Variants in PLEKHA4 observed in about 807,000 individuals in gnomAD.
PLEKHA4 encodes the protein pleckstrin homology domain-containing family A member 4.
PLEKHA4 carries 73 observed loss-of-function variants against 94.7 expected under a neutral mutation model. The observed-to-expected ratio is 0.77, with a 90% confidence interval of 0.64 to 0.94. The LOEUF is 0.94. Ranked by LOEUF, PLEKHA4 falls within the 40% of genes least tolerant of loss-of-function variation. The pLI is 0.00. For synonymous variants in PLEKHA4, 449 were observed against 437.1 expected (o/e 1.03, Z -0.34); for missense variants, 1,049 against 1,054.1 (o/e 1.00, Z 0.07).
chr19:48,837,132 G>GGAAAACAGT lies in PLEKHA4; in HGVS notation c.*156_*157insACTGTTTTC, dbSNP rs2035555131. The stretch of plus-strand genomic sequence containing the variant: ...AAGTTTTAATCCAAATTTAGACAGT[G>GGAAAACAGT]TTGAGAAAACCAAACTTTGGCCATA... On this transcript the variant is annotated 3_prime_UTR_variant, in exon 20 of 20. Transcript: ENST00000263265. The surrounding 1 kb of genome is among the most constrained non-coding windows in gnomAD (Gnocchi z 4.3). 1 of 975,906 alleles carries GGAAAACAGT rather than the reference G, an allele frequency of 1.0e-6. No homozygotes were observed. 60.5% of individuals were successfully genotyped at this position (975,906 alleles called of 1,614,324 possible).
At chr19:48,860,311 G>T in intron 6 of PLEKHA4, 39 bp downstream of exon 6, 3 of 1,541,042 alleles carry the variant, frequency 1.9e-6, no homozygotes, top group South Asian at 1.1e-5. Flanking sequence ...GACTGACTCA[G>T]GGTGGAGGGT....
At chr19:48,848,349 A>AT (rs2122984475) in intron 13 of PLEKHA4, among the ~76,000 whole-genome samples, 1 of 151,128 alleles carries the variant, frequency 6.6e-6, no homozygotes, top group South Asian at 2.1e-4. Context: ...AGCCGGGCGT[A>AT]GTGGCGGGCA....
Position 48,854,047 on chromosome 19 carries a change from C to T in PLEKHA4, c.1136G>A (p.Arg379Gln), listed in dbSNP as rs754039806. The part of the protein sequence containing the change: ...TKLCGQDRLL[R>Q]RLQEEIDQKQ... ...CTGGTCTATCTCCTCCTGCAGCCTCCGCAGAAGCCGGTCCTGCCCGCACAA... is the reference window on the plus strand; with the variant it reads ...CTGGTCTATCTCCTCCTGCAGCCTCTGCAGAAGCCGGTCCTGCCCGCACAA... Residue 379 changes from arginine (R) to glutamine (Q), a missense_variant, in exon 11 of 20, where the codon CGG becomes CAG. By Grantham distance (43) the Arg-to-Gln change is conservative. Coordinates refer to ENST00000263265, the MANE Select transcript of PLEKHA4 (RefSeq NM_020904.3). 5.0e-6 allele frequency: 8 copies of T among 1,614,142 alleles called. No homozygotes were observed. The highest frequency in any genetic ancestry group is 3.3e-5 in the Admixed American group (2 of 59,988).
At chr19:48,854,823 C>G (rs969616015) in intron 9 of PLEKHA4, among the ~76,000 whole-genome samples, 6 of 150,750 alleles carry the variant, frequency 4.0e-5, no homozygotes, top group Non-Finnish European at 8.8e-5. Flanking sequence ...CCTCAGCCTC[C>G]CAAGTAGGTG....
chr19:48,855,694 T>A (rs1340380400), intron 9 of PLEKHA4, among the ~76,000 whole-genome samples: 2 of 150,438 alleles, frequency 1.3e-5, no homozygotes, highest in Non-Finnish European at 3.0e-5. Context: ...GAGGCTGAGG[T>A]GGGAGTATCG....
intron 4 of PLEKHA4, 53 bp downstream of exon 4, chr19:48,861,567 G>A: frequency 6.2e-7 from 1 of 1,612,108 alleles, no homozygotes; most frequent in South Asian, 1.1e-5. Flanking sequence ...AGAGAGAAGG[G>A]CAGACTGGGC....
At position 48,867,645 on chromosome 19, in the gene PLEKHA4, G is replaced by A; in HGVS notation, c.-6-19C>T. The A allele has an allele frequency of 6.4e-7, 1 of 1,574,132 alleles. No homozygotes were observed. The highest frequency in any genetic ancestry group is 8.6e-7 in the Non-Finnish European group (1 of 1,160,386). ...TCAAGGGCTGGGGGAGAGAAAGAAA[G>A]GGGCTGTGTCTCTGCAGTGACGGGT... On this transcript the variant is annotated intron_variant, in intron 1 of 19. Transcript: ENST00000263265. This position sits in a 1 kb window ranked among gnomAD's most constrained non-coding sequence, Gnocchi z 4.7.
rs1003976989 is a variant in PLEKHA4, at chr19:48,868,577, T to TCTCCCTTC, written c.-509_-502dup. 3 of 152,496 alleles carry TCTCCCTTC rather than the reference T, an allele frequency of 2.0e-5. No individual in the cohort carries two copies. The highest frequency in any genetic ancestry group is 7.2e-5 in the African/African-American group (3 of 41,414). 9.4% of individuals were successfully genotyped at this position (152,496 alleles called of 1,614,324 possible). A position where few individuals can be genotyped will look rare whatever the true frequency, so the allele number is the denominator to read the frequency against. On this transcript the variant is annotated 5_prime_UTR_variant, in exon 1 of 20. Transcript: ENST00000263265. ...CTCTTTCCGATTTCCCTTCTCACTT[T>TCTCCCTTC]CTCCCTTCCTCCCTCTCCCAGTTTC...
In PLEKHA4 at chr19:48,857,445, T is replaced by C; in HGVS notation, c.1024A>G (p.Thr342Ala). 6.4e-7 allele frequency: 1 copy of C among 1,555,994 alleles called. No homozygotes were observed. Among genetic ancestry groups the C allele is most frequent in the African/African-American group, 1.4e-5 (1 of 71,320 alleles). ...ACCAATAAAACCATGGAGGCCCGGGTCCCAGGGGGCCGCGGGGGGAGCTGG... is the reference window on the plus strand; with the variant it reads ...ACCAATAAAACCATGGAGGCCCGGGCCCCAGGGGGCCGCGGGGGGAGCTGG... ...YLQLPPRPPG[T>A]RASMVLLPGP... Residue 342 changes from threonine (T) to alanine (A), a missense_variant, in exon 9 of 20, where the codon ACC (threonine) becomes GCC (alanine). Thr to Ala is a moderately conservative substitution (Grantham distance 58). Coordinates refer to ENST00000263265, the MANE Select transcript of PLEKHA4 (RefSeq NM_020904.3).
Position 48,845,532 on chromosome 19 carries a change from C to T in PLEKHA4, c.1651G>A (p.Ala551Thr), listed in dbSNP as rs200502456. 55 of 1,611,308 alleles carry T rather than the reference C, an allele frequency of 3.4e-5. No homozygotes were observed. Among genetic ancestry groups the T allele is most frequent in the African/African-American group, 5.4e-5 (4 of 74,740 alleles). ...GGATGCTCACCTAAGTGAGGGCTGGCGAGGTCTTTGTCGCCTCCAGGAGGC... is the reference window on the plus strand; with the variant it reads ...GGATGCTCACCTAAGTGAGGGCTGGTGAGGTCTTTGTCGCCTCCAGGAGGC... ...GRPPGGDKDL[A>T]SPHLGLGSPR... The change falls in exon 15 of 20, where the codon GCC becomes ACC. Residue 551 changes from alanine (A) to threonine (T), a missense_variant. Coordinates refer to ENST00000263265, the MANE Select transcript of PLEKHA4 (RefSeq NM_020904.3).
chr19:48,865,029 T>C (rs1304721627), intron 3 of PLEKHA4, among the ~76,000 whole-genome samples: 7 of 152,118 alleles, frequency 4.6e-5, no homozygotes, highest in Non-Finnish European at 1.0e-4. Flanking sequence ...ACTGTAAGTG[T>C]TCAAGAAGTA....
chr19:48,866,057 G>A (rs1448047386), intron 2 of PLEKHA4, among the ~76,000 whole-genome samples: 1 of 151,700 alleles, frequency 6.6e-6, no homozygotes, highest in Non-Finnish European at 1.5e-5. Flanking sequence ...TCAAGGTGGG[G>A]GCTGAAGTTG....
At position 48,847,960 on chromosome 19, in the gene PLEKHA4, TG is replaced by T; in HGVS notation, c.1505del (p.Pro502HisfsTer29). On this transcript the variant is annotated frameshift_variant, in exon 14 of 20. Transcript: ENST00000263265. LOFTEE classifies it high-confidence loss of function. ...AGLGGPQKPP[P>X]HTEPDSPSPV... ...GAGATGGGGAGTCAGGCTCAGTGTG[TG>T]GGGGCGGTTTCTGGGGGCCACCCAG... The T allele has an allele frequency of 6.2e-7, 1 of 1,612,418 alleles. No individual in the cohort carries two copies.
chr19:48,860,557 G>A (rs1392779711), intron 5 of PLEKHA4, 98 bp from the exon 6 acceptor site: 1 of 885,230 alleles, frequency 1.1e-6, no homozygotes. Flanking sequence ...AGTGCTTTGG[G>A]AGGCCGATGC....
chr19:48,867,627 C>A lies in PLEKHA4; in HGVS notation c.-6-1G>T. Reference sequence around the variant, plus strand: ...GAGGTCGGCTCCCCTCCATCAAGGGCTGGGGGAGAGAAAGAAAGGGGCTGT... The same window carrying A: ...GAGGTCGGCTCCCCTCCATCAAGGGATGGGGGAGAGAAAGAAAGGGGCTGT... On this transcript the variant is annotated splice_acceptor_variant, in intron 1 of 19. Coordinates refer to ENST00000263265, the MANE Select transcript of PLEKHA4 (RefSeq NM_020904.3). LOFTEE classifies it low-confidence loss of function (5UTR_SPLICE). This position sits in a 1 kb window ranked among gnomAD's most constrained non-coding sequence, Gnocchi z 4.7. 6.3e-7 allele frequency: 1 copy of A among 1,587,168 alleles called. No individual in the cohort carries two copies. Among genetic ancestry groups the A allele is most frequent in the South Asian group, 1.2e-5 (1 of 86,594 alleles).
At chr19:48,853,513 A>AG (rs2123043024) in intron 12 of PLEKHA4, among the ~76,000 whole-genome samples, 169 bp downstream of exon 12, 1 of 152,298 alleles carries the variant, frequency 6.6e-6, no homozygotes, top group East Asian at 1.9e-4. Context: ...AAAAAAAAAA[A>AG]AATTAGAGTG....
At chr19:48,856,649 C>T (rs2036421714) in intron 9 of PLEKHA4, among the ~76,000 whole-genome samples, 4 of 151,554 alleles carry the variant, frequency 2.6e-5, no homozygotes, top group Admixed American at 6.6e-5. Context: ...ACCAGGGAGG[C>T]GAAGGTTGCA....
rs1425176036 is a variant in PLEKHA4, at chr19:48,853,917, G to A, written c.1177-86C>T. 30 of 1,595,464 alleles carry A rather than the reference G, an allele frequency of 1.9e-5. No homozygotes were observed. The Admixed American group carries it at 2.3e-4, about 12-fold the overall frequency. ...AAAGATGTCCTTTCACGTCCTGGAC[G>A]TCCAGTCAGCATCCTGACTTCCGCA... On this transcript the variant is annotated intron_variant, in intron 11 of 19. Coordinates refer to ENST00000263265, the MANE Select transcript of PLEKHA4 (RefSeq NM_020904.3).
At chr19:48,853,885 A>G in intron 11 of PLEKHA4, 54 bp from the exon 12 acceptor site, 1 of 1,586,830 alleles carries the variant, frequency 6.3e-7, no homozygotes, top group Non-Finnish European at 8.6e-7. Context: ...AGCCCCAAGA[A>G]GAAAGAAAAG....
Sources: gnomAD v4.1 joint callset for allele counts (sites outside exome capture counted in the v4.1 genomes callset) on GRCh38, gnomAD v4.1.1 for gene constraint, Gnocchi (gnomAD v3.1) non-coding constraint, MANE v1.5 for transcripts, NCBI Gene and HGNC (gene_info 2026-07-23, HGNC 2026-07-21) for gene names.